LYST: variants seen among roughly 807,000 people sequenced by gnomAD.
The protein encoded by LYST is lysosomal-trafficking regulator.
A neutral mutation model predicts 413.6 loss-of-function variants in LYST; 192 were observed. The ratio of observed to expected loss-of-function variants is 0.46; its 90% CI spans 0.41 to 0.52. The LOEUF (loss-of-function observed/expected upper bound fraction) is 0.52, where lower values mean the gene tolerates loss of function less well. Among genes scored for constraint, LYST ranks in the 20% least tolerant of loss-of-function variants. LYST has a pLI of 0.00. For synonymous variants in LYST, 1,525 were observed against 1,567.3 expected, an observed-to-expected ratio of 0.97 and a Z score of 0.64; for missense variants, 3,815 against 4,499.9, an observed-to-expected ratio of 0.85 and a Z score of 4.35.
intron 14 of LYST, among the ~76,000 whole-genome samples, chr1:235,784,723 T>C (rs1670235972): frequency 6.6e-6 from 1 of 152,126 alleles, no homozygotes; most frequent in Non-Finnish European, 1.5e-5. Context: ...CTGGCACATA[T>C]TGAGAGCTCA....
intron 34 of LYST, among the ~76,000 whole-genome samples, chr1:235,732,766 T>TGC (rs1465162887): frequency 1.3e-5 from 2 of 152,228 alleles, no homozygotes; most frequent in African/African-American, 4.8e-5. Flanking sequence ...AATGTGTTCA[T>TGC]GCCTTTTGCT....
At chr1:235,818,308 A>G (rs991752881) in intron 3 of LYST, among the ~76,000 whole-genome samples, 2 of 152,108 alleles carry the variant, frequency 1.3e-5, no homozygotes, top group Non-Finnish European at 2.9e-5. Context: ...GTTCAGGTTT[A>G]TCTCTAAATA....
intron 11 of LYST, among the ~76,000 whole-genome samples, chr1:235,792,797 G>A (rs1671157059): frequency 6.6e-6 from 1 of 151,784 alleles, no homozygotes; most frequent in African/African-American, 2.4e-5. Flanking sequence ...CTGAGTAGCT[G>A]GGATTACAGG....
chr1:235,809,877 C>T lies in LYST; in HGVS notation c.941G>A (p.Gly314Asp). The change falls in exon 5 of 53, where the codon GGT (glycine) becomes GAT (aspartate). Residue 314 changes from glycine (G) to aspartate (D), a missense_variant. This residue lies in a region of LYST where 1,648 missense variants were observed against 1,810.3 expected (regional missense o/e 0.91). Transcript: ENST00000389793. The surrounding 1 kb of genome is among the most constrained non-coding windows in gnomAD (Gnocchi z 4.0). ...DNLESRVVSA[G>D]WTEEPVALIQ... ...CAAAGCCACCGGTTCTTCGGTCCAA[C>T]CTGCAGAAACTACTCGACTCTCCAA... is the stretch of plus-strand genomic sequence containing the variant. 6.2e-7 allele frequency: 1 copy of T among 1,614,008 alleles called. No individual in the cohort carries two copies. The highest frequency in any genetic ancestry group is 1.1e-5 in the South Asian group (1 of 91,078).
intron 40 of LYST, among the ~76,000 whole-genome samples, chr1:235,718,852 G>T (rs539218834): frequency 6.6e-6 from 1 of 152,180 alleles, no homozygotes; most frequent in Non-Finnish European, 1.5e-5. Context: ...TGGGACCAAT[G>T]AATTTTGTTT....
At chr1:235,822,610 G>A (rs568210448) in intron 3 of LYST, among the ~76,000 whole-genome samples, 12 of 152,304 alleles carry the variant, frequency 7.9e-5, no homozygotes, top group East Asian at 1.9e-4. Context: ...TTCAAGAGGC[G>A]TAGAGGGGAG....
intron 38 of LYST, among the ~76,000 whole-genome samples, chr1:235,727,500 G>A (rs922614704): frequency 6.6e-5 from 10 of 151,672 alleles, no homozygotes; most frequent in Non-Finnish European, 1.5e-4. Flanking sequence ...AGGAATTCCC[G>A]GCTTTAGAAC....
intron 3 of LYST, among the ~76,000 whole-genome samples, chr1:235,815,339 G>A (rs530619099): frequency 2.0e-5 from 3 of 152,248 alleles, no homozygotes; most frequent in South Asian, 2.1e-4. Context: ...CAGATATAAT[G>A]TTGTGCTATG....
intron 1 of LYST, among the ~76,000 whole-genome samples, chr1:235,861,218 CA>C (rs1679834093): frequency 6.6e-6 from 1 of 152,088 alleles, no homozygotes; most frequent in South Asian, 2.1e-4. Context: ...GTTTTAATTT[CA>C]AAGAATCATA....
chr1:235,747,241 C>G (rs1461777405), intron 28 of LYST: 3 of 452,782 alleles, frequency 6.6e-6, no homozygotes, highest in Non-Finnish European at 1.3e-5. Context: ...ATTTAATGGA[C>G]CGAAGGAGAA....
chr1:235,751,939 G>A (rs1251738288), intron 27 of LYST, 66 bp downstream of exon 27: 1 of 1,073,430 alleles, frequency 9.3e-7, no homozygotes, highest in Non-Finnish European at 1.4e-6. Context: ...GAAAGAGATT[G>A]TGCTCAAATA....
intron 8 of LYST, 133 bp downstream of exon 8, chr1:235,802,772 CAAT>C: frequency 1.3e-6 from 1 of 775,634 alleles, no homozygotes; most frequent in Non-Finnish European, 2.2e-6. Context: ...TTGGGAAGAT[CAAT>C]AAAAAGATTA....
At chr1:235,734,862 G>A in intron 31 of LYST, 1 of 431,942 alleles carries the variant, frequency 2.3e-6, no homozygotes, top group Non-Finnish European at 4.1e-6. Flanking sequence ...TGCTAATTTT[G>A]TTAGATGTAA....
chr1:235,817,723 T>C (rs952792151), intron 3 of LYST, among the ~76,000 whole-genome samples: 4 of 151,790 alleles, frequency 2.6e-5, no homozygotes, highest in African/African-American at 9.7e-5. Context: ...GGATGGAGGG[T>C]GGGAGAAGGG....
chr1:235,813,302 A>G (rs1211934860), intron 3 of LYST, among the ~76,000 whole-genome samples: 1 of 152,220 alleles, frequency 6.6e-6, no homozygotes, highest in Non-Finnish European at 1.5e-5. Context: ...TCCTGCTGAT[A>G]TTTCCAAAAA....
In LYST at chr1:235,753,131, C is replaced by A; in HGVS notation, c.7373G>T (p.Cys2458Phe). 1.9e-6 allele frequency: 3 copies of A among 1,609,978 alleles called. No homozygotes were observed. The highest frequency in any genetic ancestry group is 2.5e-6 in the Non-Finnish European group (3 of 1,176,612). The change falls in exon 26 of 53, where the codon TGT becomes TTT. Residue 2458 changes from cysteine (C) to phenylalanine (F), a missense_variant. Physicochemically the swap from Cys to Phe is radical, Grantham distance 205. Around this residue, in one of 4 missense-constraint regions of LYST, gnomAD observed 771 missense variants for 837.1 expected, o/e 0.92. Coordinates refer to ENST00000389793, the MANE Select transcript of LYST (RefSeq NM_000081.4). ...LLLLLQILNS[C>F]SKVADMLLDN... ...CAGCAACATATCTGCTACCTTAGAA[C>A]AAGAATTTAAAATTTGGAGAAGAAG...
In LYST at chr1:235,770,199, T is replaced by C. The variant is rs372654270; in HGVS notation, c.5883A>G (p.Gln1961=). The part of the protein sequence containing the change: ...MFNIKQLLKA[Q]VVHHFLLTCQ... ...AAGTCAGTAGAAAGTGATGAACCAC[T>C]TGAGCTTTCAATAACTGCTTAATAT... is the stretch of plus-strand genomic sequence containing the variant. Residue 1961 remains glutamine (Q), a synonymous_variant, in exon 20 of 53, where the codon CAA becomes CAG. Transcript: ENST00000389793. The C allele has an allele frequency of 3.3e-5, 54 of 1,613,630 alleles. No homozygotes were observed. Among genetic ancestry groups the C allele is most frequent in the Non-Finnish European group, 4.0e-5 (47 of 1,179,784 alleles).
chr1:235,762,854 A>G lies in LYST; in HGVS notation c.6122-3T>C, dbSNP rs1667727792. 2 of 1,612,694 alleles carry G rather than the reference A, an allele frequency of 1.2e-6. No individual in the cohort carries two copies. The highest frequency in any genetic ancestry group is 8.5e-7 in the Non-Finnish European group (1 of 1,179,374). On this transcript the variant is annotated splice_polypyrimidine_tract_variant and splice_region_variant and intron_variant, in intron 21 of 52. Coordinates refer to ENST00000389793, the MANE Select transcript of LYST (RefSeq NM_000081.4). Reference sequence around the variant, plus strand: ...TTTCTCCTGAAAGATCTTGCCATCTAGAATCCAAATTTTTTTTGAAACAGC... The same window carrying G: ...TTTCTCCTGAAAGATCTTGCCATCTGGAATCCAAATTTTTTTTGAAACAGC...
intron 39 of LYST, among the ~76,000 whole-genome samples, chr1:235,721,874 A>C (rs1170236481): frequency 6.6e-6 from 1 of 152,248 alleles, no homozygotes; most frequent in Non-Finnish European, 1.5e-5. Context: ...GAACTTAACA[A>C]AGTAAAGACT....
Sources: gnomAD v4.1 joint callset for allele counts (sites outside exome capture counted in the v4.1 genomes callset) on GRCh38, gnomAD v4.1.1 for gene constraint, gnomAD v4.1.1 regional missense constraint, Gnocchi (gnomAD v3.1) non-coding constraint, MANE v1.5 for transcripts, NCBI Gene and HGNC (gene_info 2026-07-23, HGNC 2026-07-21) for gene names.